NECAB2: variants seen among roughly 807,000 people sequenced by gnomAD.
NECAB2 encodes the protein N-terminal EF-hand calcium-binding protein 2.
In NECAB2, 68 loss-of-function variants were observed where a neutral mutation model predicts 51.9. That is an observed-to-expected ratio of 1.31 (90% CI 1.08 to 1.60). NECAB2 has a LOEUF of 1.60. Among genes scored for constraint, NECAB2 ranks in the 40% most tolerant of loss-of-function variants. The pLI is 0.00. For missense variants in NECAB2, 854 were observed against 490.3 expected (o/e 1.74, Z -7.00); for synonymous variants, 329 against 203.5 (o/e 1.62, Z -5.25).
At chr16:83,998,509 C>T (rs550304339) in intron 10 of NECAB2, among the ~76,000 whole-genome samples, 192 bp downstream of exon 10, 3 of 152,164 alleles carry the variant, frequency 2.0e-5, no homozygotes, top group Non-Finnish European at 4.4e-5. Flanking sequence ...TGGCAGGTGT[C>T]TTCATCTCCC....
rs74679089 is a variant in NECAB2, at chr16:83,998,483, C to A, written c.962+166C>A. Among the ~76,000 whole-genome samples, 48 of 152,268 alleles carry A rather than the reference C, an allele frequency of 3.2e-4. 1 individual carries two copies. The East Asian group carries it at 9.3e-3, about 29-fold the overall frequency. The stretch of plus-strand genomic sequence containing the variant: ...GGTTCAGGTCTCTACTGAGGTTCCT[C>A]CCAGCCAAGCAAATGTGGCAGGTGT... On this transcript the variant is annotated intron_variant, in intron 10 of 12. Transcript: ENST00000305202.
At chr16:83,985,195 C>G (rs777792583) in intron 5 of NECAB2, among the ~76,000 whole-genome samples, 41 of 151,162 alleles carry the variant, frequency 2.7e-4, no homozygotes, top group Admixed American at 1.7e-3. Context: ...CGCCTGTAAT[C>G]CCAGCTACTT....
chr16:83,990,485 C>T lies in NECAB2; in HGVS notation c.460-9C>T, dbSNP rs750061344. On this transcript the variant is annotated splice_polypyrimidine_tract_variant and intron_variant, in intron 5 of 12. Coordinates refer to ENST00000305202, the MANE Select transcript of NECAB2 (RefSeq NM_019065.3). ...TTTCCCCTCAGTGCCTCTTCTCTTCCTTCCACAGGTATATGAGGGTGGGAG... is the reference window on the plus strand; with the variant it reads ...TTTCCCCTCAGTGCCTCTTCTCTTCTTTCCACAGGTATATGAGGGTGGGAG... The T allele has an allele frequency of 1.1e-5, 17 of 1,613,790 alleles. No individual in the cohort carries two copies. The highest frequency in any genetic ancestry group is 5.0e-5 in the Admixed American group (3 of 59,994).
upstream of NECAB2, chr16:83,965,692 C>A: frequency 1.2e-6 from 2 of 1,613,658 alleles, no homozygotes; most frequent in Non-Finnish European, 1.7e-6. Flanking sequence ...AGGAAGACTG[C>A]CAGGCCGTGT....
Position 83,978,508 on chromosome 16 carries a change from A to G in NECAB2, c.291A>G (p.Lys97=), listed in dbSNP as rs895790910. ...TTGCAGATGGCGTCCTTAATGAGAA[A>G]GAACTGGAGGATCTCTTTCACACGA... ...LFFADGVLNE[K]ELEDLFHTID... is the part of the protein sequence containing the mutation. Residue 97 remains lysine (K), a synonymous_variant, in exon 3 of 13, where the codon AAA becomes AAG. Transcript: ENST00000305202. 6 of 1,613,872 alleles carry G rather than the reference A, an allele frequency of 3.7e-6. No homozygotes were observed. The highest frequency in any genetic ancestry group is 1.7e-5 in the Admixed American group (1 of 59,970).
chr16:84,000,839 G>A (rs377315082), intron 11 of NECAB2, 38 bp downstream of exon 11: 15 of 1,396,674 alleles, frequency 1.1e-5, no homozygotes, highest in Admixed American at 9.0e-5. Context: ...GAGGGAGACA[G>A]AGGGAAGTGG....
At position 83,972,170 on chromosome 16, in the gene NECAB2, A is replaced by C; in HGVS notation, c.221A>C (p.Lys74Thr). The C allele has an allele frequency of 6.2e-7, 1 of 1,613,488 alleles. No homozygotes were observed. Among genetic ancestry groups the C allele is most frequent in the Non-Finnish European group, 8.5e-7 (1 of 1,180,016 alleles). Residue 74 changes from lysine to threonine, a missense_variant, in exon 2 of 13, where the codon AAA becomes ACA. Lys to Thr is a moderately conservative substitution (Grantham distance 78, BLOSUM62 -1). Transcript: ENST00000305202. ...VILDIFRRAD[K>T]NDDGKLSLEE... ...CTGCAGATTTTCCGCCGTGCGGACA[A>C]AAATGGTGAGTTTCCCTTCCAGGCC... is the stretch of plus-strand genomic sequence containing the variant.
rs767387279 is a variant in NECAB2, at chr16:83,972,757, C to T, written c.226+582C>T. ...TCAGCCTCTTTAAAAATGTGAGCAGCGCCTTGTTGTGGCCACGGAATTCAT... is the reference window on the plus strand; with the variant it reads ...TCAGCCTCTTTAAAAATGTGAGCAGTGCCTTGTTGTGGCCACGGAATTCAT... On this transcript the variant is annotated intron_variant, in intron 2 of 12. Coordinates refer to ENST00000305202, the MANE Select transcript of NECAB2 (RefSeq NM_019065.3). Among the ~76,000 whole-genome samples the T allele has an allele frequency of 6.8e-4, 104 of 152,260 alleles. 4 individuals carry two copies. The highest frequency in any genetic ancestry group is 3.9e-4 in the East Asian group (2 of 5,180).
intron 2 of NECAB2, among the ~76,000 whole-genome samples, chr16:83,975,708 G>A (rs1487138142): frequency 6.6e-6 from 1 of 152,142 alleles, no homozygotes; most frequent in Non-Finnish European, 1.5e-5. Context: ...AGGGCTGAGT[G>A]GCAGACAGCA....
chr16:83,997,301 C>A (rs201796991), intron 9 of NECAB2, 32 bp downstream of exon 9: 2 of 1,613,448 alleles, frequency 1.2e-6, no homozygotes, highest in Non-Finnish European at 8.5e-7. Context: ...CTTCTGGGAC[C>A]ACATCCCTAC....
In NECAB2 at chr16:83,998,300, C is replaced by A. The variant is rs35389907; in HGVS notation, c.945C>A (p.Gly315=). 1.3e-3 allele frequency: 2,023 copies of A among 1,613,424 alleles called. 24 individuals are homozygous for A. The African/African-American group carries it at 0.024, about 19-fold the overall frequency. Residue 315 remains glycine, a synonymous_variant, in exon 10 of 13, where the codon GGC becomes GGA. Coordinates refer to ENST00000305202, the MANE Select transcript of NECAB2 (RefSeq NM_019065.3). ...GCCAGTATCTGCGGGGGACCACTGGCGTGAGGAACTGCTTCCAGTGAGTGA... is the reference window on the plus strand; with the variant it reads ...GCCAGTATCTGCGGGGGACCACTGGAGTGAGGAACTGCTTCCAGTGAGTGA... ...SLRQYLRGTT[G]VRNCFHITAV...
chr16:83,997,369 C>A lies in NECAB2; in HGVS notation c.849+100C>A, dbSNP rs57107541. 92 of 1,449,278 alleles carry A rather than the reference C, an allele frequency of 6.3e-5. No individual in the cohort carries two copies. In the South Asian group the frequency reaches 1.0e-3, roughly 16 times the overall value. 89.8% of individuals were successfully genotyped at this position (1,449,278 alleles called of 1,614,324 possible). The stretch of plus-strand genomic sequence containing the variant: ...AATGCCCCTGACCCCGCTCTCCCTG[C>A]TTGGGACCACCAGGAGGGGAGATGT... On this transcript the variant is annotated intron_variant, in intron 9 of 12. Coordinates refer to ENST00000305202, the MANE Select transcript of NECAB2 (RefSeq NM_019065.3).
At position 83,998,308 on chromosome 16, in the gene NECAB2, A is replaced by G. The variant is rs2084750149; in HGVS notation, c.953A>G (p.Asn318Ser). The change falls in exon 10 of 13, where the codon AAC (asparagine) becomes AGC (serine). Residue 318 changes from asparagine (N) to serine (S), a missense_variant. Physicochemically the swap from Asn to Ser is conservative, Grantham distance 46. Coordinates refer to ENST00000305202, the MANE Select transcript of NECAB2 (RefSeq NM_019065.3). The part of the protein sequence containing the change: ...QYLRGTTGVR[N>S]CFHITAVRLS... ...CTGCGGGGGACCACTGGCGTGAGGAACTGCTTCCAGTGAGTGAGCTGCCGA... is the reference window on the plus strand; with the variant it reads ...CTGCGGGGGACCACTGGCGTGAGGAGCTGCTTCCAGTGAGTGAGCTGCCGA... The G allele has an allele frequency of 8.1e-6, 13 of 1,613,414 alleles. No individual in the cohort carries two copies. The highest frequency in any genetic ancestry group is 1.1e-5 in the Non-Finnish European group (13 of 1,179,954).
chr16:83,990,819 A>G (rs546713330), intron 6 of NECAB2, among the ~76,000 whole-genome samples, 189 bp downstream of exon 6: 1 of 152,200 alleles, frequency 6.6e-6, no homozygotes, highest in South Asian at 2.1e-4. Flanking sequence ...AATCTCAGCC[A>G]TTGCAAGGAT....
intron 7 of NECAB2, 87 bp from the exon 8 acceptor site, chr16:83,994,522 C>G: frequency 6.3e-7 from 1 of 1,597,768 alleles, no homozygotes; most frequent in South Asian, 1.1e-5. Context: ...GTTTGATGCC[C>G]CTGGAGGGGC....
intron 6 of NECAB2, among the ~76,000 whole-genome samples, chr16:83,993,104 C>T (rs943577238): frequency 6.6e-6 from 1 of 152,158 alleles, no homozygotes; most frequent in African/African-American, 2.4e-5. Context: ...CTCCCTCGAA[C>T]TTCCCCAAAT....
Position 83,994,418 on chromosome 16 carries a change from C to A in NECAB2, c.713C>A (p.Ser238Tyr). 3 of 1,614,030 alleles carry A rather than the reference C, an allele frequency of 1.9e-6. No individual in the cohort carries two copies. Among genetic ancestry groups the A allele is most frequent in the South Asian group, 2.2e-5 (2 of 91,080 alleles). ...ATGGAACAAGGCAAGACCCTTCCAT[C>A]TGGTGAGAGAAAGCGGGGGCCCTGG... The part of the protein sequence containing the change: ...MAMEQGKTLP[S>Y]ATEDAKEEGL... Residue 238 changes from serine to tyrosine, a missense_variant and splice_region_variant, in exon 7 of 13, where the codon TCT (serine) becomes TAT (tyrosine). Transcript: ENST00000305202.
chr16:83,985,670 A>G (rs1374437681), intron 5 of NECAB2, among the ~76,000 whole-genome samples: 1 of 151,956 alleles, frequency 6.6e-6, no homozygotes, highest in Non-Finnish European at 1.5e-5. Context: ...GCGTTCCCAT[A>G]GCAATCACAG....
chr16:83,965,321 G>A (rs766066892), upstream of NECAB2: 45 of 1,580,716 alleles, frequency 2.8e-5, 1 homozygote, highest in South Asian at 3.9e-4. Flanking sequence ...AGGCACGTTC[G>A]ACAGCCCGGC....
Sources: gnomAD v4.1 joint callset for allele counts (sites outside exome capture counted in the v4.1 genomes callset) on GRCh38, gnomAD v4.1.1 for gene constraint, MANE v1.5 for transcripts, NCBI Gene and HGNC (gene_info 2026-07-23, HGNC 2026-07-21) for gene names.